The following TMEM108 variants were observed in gnomAD, a reference collection of about 807,000 sequenced individuals.
TMEM108 encodes the protein cancer/testis antigen 124.
A neutral mutation model predicts 35.1 loss-of-function variants in TMEM108; 12 were observed. The observed-to-expected ratio is 0.34, with a 90% CI of 0.22 to 0.55. The LOEUF (loss-of-function observed/expected upper bound fraction) is 0.55. Ranked by LOEUF, TMEM108 falls within the 20% of genes least tolerant of loss-of-function variation. The pLI, the probability that TMEM108 is intolerant of heterozygous loss-of-function variation, is 0.89. For synonymous variants in TMEM108, 287 were observed against 308.6 expected, an observed-to-expected ratio of 0.93 and a Z score of 0.73; for missense variants, 680 against 753.3, an observed-to-expected ratio of 0.90 and a Z score of 1.14.
chr3:133,248,079 A>G (rs908605136), intron 3 of TMEM108: 3 of 152,250 alleles, frequency 2.0e-5, no homozygotes, highest in African/African-American at 7.2e-5. Flanking sequence ...TTAACTAGTA[A>G]TAAAAATAAT....
chr3:133,162,265 A>C (rs2107780105), intron 2 of TMEM108, among the ~76,000 whole-genome samples: 1 of 152,178 alleles, frequency 6.6e-6, no homozygotes, highest in South Asian at 2.1e-4. Flanking sequence ...GTGCATTAAA[A>C]CCATTTGTTT....
At position 133,343,121 on chromosome 3, in the gene TMEM108, G is replaced by T. The variant is rs561191447; in HGVS notation, c.41-36631G>T. Among the ~76,000 whole-genome samples the T allele has an allele frequency of 3.3e-5, 5 of 151,944 alleles. No homozygotes were observed. The East Asian group carries it at 9.6e-4, about 29-fold the overall frequency. ...TATGGGTGGCATGCATATAAAAAAA[G>T]TGCCCAAGACTATTTGTCCTTAGAG... is the stretch of plus-strand genomic sequence containing the variant. On this transcript the variant is annotated intron_variant, in intron 3 of 5. Coordinates refer to ENST00000321871, the MANE Select transcript of TMEM108 (RefSeq NM_023943.4).
chr3:133,094,232 C>CACCCCCCACCCCCA (rs1943984064), intron 2 of TMEM108, among the ~76,000 whole-genome samples: 1 of 117,654 alleles, frequency 8.5e-6, no homozygotes, highest in Non-Finnish European at 1.8e-5. Flanking sequence ...CCCCACCCCC[C>CACCCCCCACCCCCA]ACCCCCCCCA....
intron 2 of TMEM108, among the ~76,000 whole-genome samples, chr3:133,158,517 G>A (rs887989514): frequency 8.6e-5 from 13 of 150,602 alleles, no homozygotes; most frequent in Admixed American, 6.6e-4. Context: ...TGTGACGTAG[G>A]TCGACTTAAG....
At chr3:133,154,684 G>A (rs1944852131) in intron 2 of TMEM108, among the ~76,000 whole-genome samples, 1 of 151,958 alleles carries the variant, frequency 6.6e-6, no homozygotes, top group South Asian at 2.1e-4. Flanking sequence ...ACACAGGAAG[G>A]GGAACATCAC....
intron 2 of TMEM108, among the ~76,000 whole-genome samples, chr3:133,182,420 C>T (rs1464395190): frequency 6.6e-6 from 1 of 152,108 alleles, no homozygotes; most frequent in Non-Finnish European, 1.5e-5. Context: ...GCCTGAGATT[C>T]TAGTATGGGT....
At chr3:133,073,026 G>A (rs79265031) in intron 2 of TMEM108, among the ~76,000 whole-genome samples, 6,735 of 152,016 alleles carry the variant, frequency 0.044, 197 homozygotes, top group African/African-American at 0.063. Context: ...GATGGAAATT[G>A]TATATATTAT....
intron 3 of TMEM108, among the ~76,000 whole-genome samples, chr3:133,320,537 G>A (rs1275500132): frequency 6.6e-6 from 1 of 152,158 alleles, no homozygotes; most frequent in Non-Finnish European, 1.5e-5. Context: ...ATACACAAAT[G>A]TAAGAATAAT....
At chr3:133,337,282 A>C (rs1056730666) in intron 3 of TMEM108, among the ~76,000 whole-genome samples, 1 of 152,060 alleles carries the variant, frequency 6.6e-6, no homozygotes, top group East Asian at 1.9e-4. Flanking sequence ...TACCCAGCAC[A>C]CTCCCATTGA....
intron 3 of TMEM108, among the ~76,000 whole-genome samples, chr3:133,333,829 G>A (rs944885195): frequency 7.2e-5 from 11 of 152,174 alleles, no homozygotes; most frequent in South Asian, 2.1e-4. Flanking sequence ...CATACATGCT[G>A]GCACTTTGAG....
intron 2 of TMEM108, among the ~76,000 whole-genome samples, chr3:133,174,224 C>G (rs1352182525): frequency 6.6e-6 from 1 of 152,272 alleles, no homozygotes; most frequent in African/African-American, 2.4e-5. Flanking sequence ...GGAGGCCAGC[C>G]TGCCTCTGTA....
chr3:133,072,960 A>C (rs11718120), intron 2 of TMEM108, among the ~76,000 whole-genome samples: 8,679 of 152,222 alleles, frequency 0.057, 288 homozygotes, highest in Middle Eastern at 0.078. Flanking sequence ...TCCAAGGTTC[A>C]TTCATGTTGT....
intron 3 of TMEM108, among the ~76,000 whole-genome samples, chr3:133,348,081 A>G (rs1470907384): frequency 1.3e-5 from 2 of 151,876 alleles, no homozygotes; most frequent in East Asian, 3.8e-4. Context: ...AACAGAAACA[A>G]GTAGTAAAGA....
chr3:133,246,730 A>C (rs1048251731), intron 3 of TMEM108: 6 of 152,154 alleles, frequency 3.9e-5, no homozygotes, highest in African/African-American at 1.2e-4. Context: ...TTGTTGTCTC[A>C]GATCCTCTGC....
chr3:133,381,489 G>A (rs1255058260), intron 4 of TMEM108, among the ~76,000 whole-genome samples: 3 of 152,178 alleles, frequency 2.0e-5, no homozygotes, highest in Admixed American at 6.5e-5. Flanking sequence ...GAATTAGTGA[G>A]AGGCAGGGCT....
chr3:133,384,174 C>T (rs115308692), intron 4 of TMEM108, among the ~76,000 whole-genome samples: 210 of 152,330 alleles, frequency 1.4e-3, no homozygotes, highest in African/African-American at 4.9e-3. Context: ...CTTAAAGCTA[C>T]TCTACAGACC....
intron 2 of TMEM108, among the ~76,000 whole-genome samples, chr3:133,176,132 T>C (rs1200121023): frequency 1.3e-5 from 2 of 152,216 alleles, no homozygotes; most frequent in African/African-American, 2.4e-5. Flanking sequence ...CTATCCTAAA[T>C]ACATATGCAC....
chr3:133,152,565 C>T (rs537188401), intron 2 of TMEM108, among the ~76,000 whole-genome samples: 1 of 152,194 alleles, frequency 6.6e-6, no homozygotes, highest in African/African-American at 2.4e-5. Flanking sequence ...CTGTATATCT[C>T]CCCTGGGTTA....
At chr3:133,379,677 G>A in intron 3 of TMEM108, 75 bp from the exon 4 acceptor site, 1 of 1,467,158 alleles carries the variant, frequency 6.8e-7, no homozygotes. Context: ...ACTGTCCTAG[G>A]CCACAGGTAA....
Sources: gnomAD v4.1 joint callset for allele counts (sites outside exome capture counted in the v4.1 genomes callset) on GRCh38, gnomAD v4.1.1 for gene constraint, MANE v1.5 for transcripts, NCBI Gene and HGNC (gene_info 2026-07-23, HGNC 2026-07-21) for gene names.